Variants in NIPA2 observed in about 807,000 individuals in gnomAD.
The protein encoded by NIPA2 is NIPA magnesium transporter 2.
Under a neutral mutation model 29.7 loss-of-function variants are expected in NIPA2, and 11 were observed. The observed-to-expected ratio is 0.37, with a 90% confidence interval of 0.23 to 0.61. The LOEUF is 0.61. Among genes scored for constraint, NIPA2 ranks in the 20% least tolerant of loss-of-function variants. NIPA2 has a pLI of 0.66. For missense variants in NIPA2, 426 were observed against 437.9 expected (o/e 0.97, Z 0.24); for synonymous variants, 183 against 161.9 (o/e 1.13, Z -0.99).
intron 5 of NIPA2, among the ~76,000 whole-genome samples, chr15:22,855,425 A>AAAAT (rs2058105455): frequency 6.6e-6 from 1 of 152,122 alleles, no homozygotes; most frequent in Non-Finnish European, 1.5e-5. Context: ...CAAAAAAAAA[A>AAAAT]AAATATTCTG....
Position 22,851,818 on chromosome 15 carries a change from T to C in NIPA2, c.87T>C (p.Ile29=), listed in dbSNP as rs1429940119. ...GCATTTTCATTGGAGGAAGTTTCAT[T>C]TTGAAAAAAAAGGGCCTCCTTCGAC... The part of the protein sequence containing the change: ...SSSIFIGGSF[I]LKKKGLLRLA... The change falls in exon 4 of 8, where the codon ATT becomes ATC. Residue 29 remains isoleucine, a synonymous_variant. Transcript: ENST00000337451. 1 of 1,613,538 alleles carries C rather than the reference T, an allele frequency of 6.2e-7. No homozygotes were observed. Among genetic ancestry groups the C allele is most frequent in the African/African-American group, 1.3e-5 (1 of 74,828 alleles).
intron 7 of NIPA2, among the ~76,000 whole-genome samples, chr15:22,863,808 G>C (rs942916913): frequency 3.9e-5 from 6 of 152,172 alleles, no homozygotes; most frequent in Non-Finnish European, 7.4e-5. Context: ...AGGCAGAGGT[G>C]AGTGTTGGGC....
chr15:22,866,445 C>T lies in NIPA2; in HGVS notation c.681C>T (p.Val227=), dbSNP rs1266897970. 11 of 1,614,134 alleles carry T rather than the reference C, an allele frequency of 6.8e-6. No homozygotes were observed. The East Asian group carries it at 2.5e-4, about 36-fold the overall frequency. ...LAWILLLSLI[V]CVSTQINYLN... ...GGATTCTGCTGCTGAGCCTCATCGT[C>T]TGTGTGAGCACACAGATTAATTACC... Residue 227 remains valine (V), a synonymous_variant, in exon 8 of 8, where the codon GTC becomes GTT. Coordinates refer to ENST00000337451, the MANE Select transcript of NIPA2 (RefSeq NM_030922.7).
intron 2 of NIPA2, among the ~76,000 whole-genome samples, chr15:22,840,989 A>G (rs1288511483): frequency 1.3e-5 from 2 of 150,328 alleles, no homozygotes; most frequent in Non-Finnish European, 3.0e-5. Context: ...ACAGAAAGAT[A>G]AGACTTCTGC....
At chr15:22,858,102 A>T (rs1163024570) in intron 5 of NIPA2, among the ~76,000 whole-genome samples, 1 of 152,046 alleles carries the variant, frequency 6.6e-6, no homozygotes, top group Non-Finnish European at 1.5e-5. Flanking sequence ...CCTTATTAAT[A>T]AATTGGAGAG....
At chr15:22,853,760 T>A (rs189444585) in intron 5 of NIPA2, among the ~76,000 whole-genome samples, 40 of 152,306 alleles carry the variant, frequency 2.6e-4, no homozygotes, top group Non-Finnish European at 1.6e-4. Flanking sequence ...TCATAATAAT[T>A]GCATTATGGT....
intron 7 of NIPA2, among the ~76,000 whole-genome samples, chr15:22,861,451 G>A (rs998174701): frequency 6.6e-6 from 1 of 152,122 alleles, no homozygotes; most frequent in Admixed American, 6.5e-5. Flanking sequence ...TCCTGGGTTT[G>A]TGCCTTCATT....
At chr15:22,862,349 G>C (rs1005865759) in intron 7 of NIPA2, among the ~76,000 whole-genome samples, 2 of 152,042 alleles carry the variant, frequency 1.3e-5, no homozygotes, top group Non-Finnish European at 2.9e-5. Flanking sequence ...TGCCTGGCCT[G>C]ATCTGAAAAT....
At chr15:22,845,749 C>T (rs1288441635) in intron 3 of NIPA2, among the ~76,000 whole-genome samples, 1 of 151,886 alleles carries the variant, frequency 6.6e-6, no homozygotes, top group Non-Finnish European at 1.5e-5. Flanking sequence ...ATGAAGTGGG[C>T]AGGAGAGGGG....
chr15:22,853,930 C>T (rs1042582213), intron 5 of NIPA2, among the ~76,000 whole-genome samples: 25 of 152,014 alleles, frequency 1.6e-4, no homozygotes, highest in Non-Finnish European at 3.2e-4. Flanking sequence ...CGGGTTCAAG[C>T]GATTATCCTG....
chr15:22,866,667 C>T lies in NIPA2; in HGVS notation c.903C>T (p.Asp301=), dbSNP rs148326174. ...VGIFLLHAFK[D]VSFSLASLPV... is the part of the protein sequence containing the mutation. ...TATTCTTGTTGCATGCCTTTAAAGA[C>T]GTCAGCTTTAGTCTAGCAAGTCTGC... Residue 301 remains aspartate, a synonymous_variant, in exon 8 of 8, where the codon GAC becomes GAT. Transcript: ENST00000337451. 65 of 1,613,876 alleles carry T rather than the reference C, an allele frequency of 4.0e-5. 1 individual carries two copies. The Middle Eastern group carries it at 1.3e-3, about 33-fold the overall frequency.
intron 4 of NIPA2, 66 bp from the exon 5 acceptor site, chr15:22,853,124 TATTTAAAAATCTGTCATTACTA>T (rs1190612804): frequency 2.7e-5 from 23 of 852,400 alleles, no homozygotes; most frequent in Non-Finnish European, 4.5e-5. Context: ...GTAACTGAGA[TATTTAAAAATCTGTCATTACTA>T]ATAGTTATAA....
At chr15:22,846,137 C>T (rs1898569334) in intron 3 of NIPA2, among the ~76,000 whole-genome samples, 1 of 152,116 alleles carries the variant, frequency 6.6e-6, no homozygotes, top group Non-Finnish European at 1.5e-5. Flanking sequence ...TAGGATAGAA[C>T]GGAGAACCAG....
chr15:22,839,614 CTT>C (rs796157846), intron 1 of NIPA2, 39 bp from the exon 2 acceptor site: 1 of 152,148 alleles, frequency 6.6e-6, no homozygotes, highest in Non-Finnish European at 1.5e-5. Flanking sequence ...TACTTAGTAA[CTT>C]TAAGTCTTTT....
intron 3 of NIPA2, among the ~76,000 whole-genome samples, chr15:22,850,201 A>G (rs1008658543): frequency 1.3e-5 from 2 of 152,080 alleles, no homozygotes; most frequent in African/African-American, 4.8e-5. Flanking sequence ...CACTTAGATC[A>G]TGCTCACAGT....
At chr15:22,866,109 G>A (rs2059043278) in intron 7 of NIPA2, 104 bp from the exon 8 acceptor site, 1 of 910,488 alleles carries the variant, frequency 1.1e-6, no homozygotes, top group Non-Finnish European at 1.7e-6. Flanking sequence ...TTATTTCCAG[G>A]CCATACCTTT....
rs1228258419 is a variant in NIPA2 at position 22,858,570 on chromosome 15, C to T, written c.227C>T (p.Ala76Val). 3.1e-6 allele frequency: 5 copies of T among 1,606,784 alleles called. No homozygotes were observed. The highest frequency in any genetic ancestry group is 3.4e-6 in the Non-Finnish European group (4 of 1,175,744). ...GCTGGTGAGGTGGCCAACTTCGCTG[C>T]GTATGCGTTTGCACCAGCCACTCTA... ...MGAGEVANFA[A>V]YAFAPATLVT... The change falls in exon 6 of 8, where the codon GCG (alanine) becomes GTG (valine). Residue 76 changes from alanine to valine, a missense_variant. Around this residue, in one of 3 missense-constraint regions of NIPA2, gnomAD observed 12 missense variants for 31.5 expected, o/e 0.38. Transcript: ENST00000337451.
At chr15:22,862,629 T>C (rs941721619) in intron 7 of NIPA2, among the ~76,000 whole-genome samples, 1 of 152,156 alleles carries the variant, frequency 6.6e-6, no homozygotes, top group Admixed American at 6.5e-5. Flanking sequence ...TTCCTAGTTA[T>C]TTTAAAGTCT....
chr15:22,839,268 G>T (rs1287837302), intron 1 of NIPA2: 1 of 152,216 alleles, frequency 6.6e-6, no homozygotes, highest in Admixed American at 6.5e-5. Flanking sequence ...GAGCCTGACT[G>T]TTTTAATTTC....
Sources: allele counts gnomAD v4.1 joint callset (sites outside exome capture counted in the v4.1 genomes callset), GRCh38; gene constraint gnomAD v4.1.1; regional missense constraint gnomAD v4.1.1; transcripts MANE v1.5; gene names NCBI Gene and HGNC (gene_info 2026-07-23, HGNC 2026-07-21).